NQO2: variants seen among roughly 807,000 people sequenced by gnomAD.
NQO2 encodes the protein ribosyldihydronicotinamide dehydrogenase [quinone].
Under a neutral mutation model 22.0 loss-of-function variants are expected in NQO2, and 18 were observed. The observed-to-expected ratio is 0.82, with a 90% CI of 0.56 to 1.21. The LOEUF (loss-of-function observed/expected upper bound fraction) is 1.21. Ranked by LOEUF, NQO2 falls within the 50% of genes most tolerant of loss-of-function variation. The pLI is 0.00. For missense variants in NQO2, 267 were observed against 286.9 expected, an observed-to-expected ratio of 0.93 and a Z score of 0.50; for synonymous variants, 106 against 110.8, an observed-to-expected ratio of 0.96 and a Z score of 0.28.
intron 1 of NQO2, 104 bp downstream of exon 1, chr6:3,000,189 T>A (rs1772910033): frequency 6.6e-6 from 1 of 152,264 alleles, no homozygotes; most frequent in Non-Finnish European, 1.5e-5. Flanking sequence ...CATATGGCCC[T>A]GTGGGTCGTC....
chr6:3,005,507 C>G (rs776717495), intron 1 of NQO2: 22 of 282,972 alleles, frequency 7.8e-5, no homozygotes, highest in Non-Finnish European at 1.1e-4. Flanking sequence ...TGCTAAGCAT[C>G]TTTTCATGGC....
Position 3,006,254 on chromosome 6 carries a change from G to A in NQO2, c.-85-214G>A, listed in dbSNP as rs1208504573. ...TGACTGTCTGGATGGAAGGTTCAGA[G>A]TCCTCTCAAAAAAGGAAAAAAGTAT... On this transcript the variant is annotated intron_variant, in intron 1 of 6. Coordinates refer to ENST00000380455, the MANE Select transcript of NQO2 (RefSeq NM_000904.6). This position sits in a 1 kb window ranked among gnomAD's most constrained non-coding sequence, Gnocchi z 4.0. The A allele has an allele frequency of 1.2e-6, 1 of 843,790 alleles. No individual in the cohort carries two copies. The highest frequency in any genetic ancestry group is 1.4e-6 in the Non-Finnish European group (1 of 701,106). The allele number at this position is 843,790 out of a possible 1,614,324, so 52.3% of individuals were successfully genotyped here.
At position 3,015,550 on chromosome 6, in the gene NQO2, C is replaced by G; in HGVS notation, c.324C>G (p.Ser108Arg). ...VIFQFPLYWF[S>R]VPAILKGWMD... Reference sequence around the variant, plus strand: ...CACAGTTCCCGCTGTACTGGTTCAGCGTGCCAGCCATCCTGAAGGGCTGGA... The same window carrying G: ...CACAGTTCCCGCTGTACTGGTTCAGGGTGCCAGCCATCCTGAAGGGCTGGA... Residue 108 changes from serine (S) to arginine (R), a missense_variant, in exon 5 of 7, where the codon AGC (serine) becomes AGG (arginine). Physicochemically the swap from Ser to Arg is moderately radical, Grantham distance 110 (BLOSUM62 -1). Transcript: ENST00000380455. 1 of 1,614,116 alleles carries G rather than the reference C, an allele frequency of 6.2e-7. No homozygotes were observed.
intron 4 of NQO2, among the ~76,000 whole-genome samples, chr6:3,014,716 A>G (rs1000520002): frequency 6.6e-6 from 1 of 152,170 alleles, no homozygotes; most frequent in Admixed American, 6.5e-5. Context: ...CTACTGCACT[A>G]CTAATATCAG....
intron 6 of NQO2, among the ~76,000 whole-genome samples, chr6:3,019,064 A>C (rs1420272728): frequency 6.6e-6 from 1 of 152,154 alleles, no homozygotes; most frequent in African/African-American, 2.4e-5. Context: ...AATACGGCTT[A>C]AAATTTGTTT....
chr6:3,009,187 G>C (rs2113445934), intron 2 of NQO2, among the ~76,000 whole-genome samples: 1 of 152,302 alleles, frequency 6.6e-6, no homozygotes, highest in East Asian at 1.9e-4. Context: ...CATTTCAGAG[G>C]CCCACCCTCA....
chr6:3,019,353 C>A (rs1219481969), intron 6 of NQO2, 126 bp from the exon 7 acceptor site: 1 of 1,443,316 alleles, frequency 6.9e-7, no homozygotes, highest in East Asian at 2.4e-5. Flanking sequence ...TTGCCTGTAA[C>A]ATTAAGGTTG....
Position 3,012,521 on chromosome 6 carries a change from ATGTT to A in NQO2, c.173-20_173-17del. ...TGTGGATGCCCACCTAGGAGTGAGA[ATGTT>A]TGGCCTCTTCCCCGACAGGTACTCT... On this transcript the variant is annotated intron_variant, in intron 3 of 6. Transcript: ENST00000380455. The A allele has an allele frequency of 6.2e-7, 1 of 1,613,694 alleles. No individual in the cohort carries two copies. The highest frequency in any genetic ancestry group is 8.5e-7 in the Non-Finnish European group (1 of 1,179,800).
In NQO2 at chr6:3,006,421, T is replaced by A; in HGVS notation, c.-85-47T>A. On this transcript the variant is annotated intron_variant, in intron 1 of 6. Transcript: ENST00000380455. The surrounding 1 kb of genome is among the most constrained non-coding windows in gnomAD (Gnocchi z 4.0). ...ATGCCTAGATGTGGTACATTCGACC[T>A]CACCTATGCCTCTCCCCACCCCCTC... 6 of 1,523,242 alleles carry A rather than the reference T, an allele frequency of 3.9e-6. No homozygotes were observed. Among genetic ancestry groups the A allele is most frequent in the Non-Finnish European group, 5.3e-6 (6 of 1,139,302 alleles). The allele number at this position is 1,523,242 out of a possible 1,614,324, so 94.4% of individuals were successfully genotyped here. A position where few individuals can be genotyped will look rare whatever the true frequency, so the allele number is the denominator to read the frequency against.
At chr6:3,016,430 C>CAAAAAAA (rs36118697) in intron 5 of NQO2, among the ~76,000 whole-genome samples, 21 of 85,696 alleles carry the variant, frequency 2.5e-4, no homozygotes, top group South Asian at 1.2e-3. Context: ...GACTCTGTCT[C>CAAAAAAA]AAAAAAAAAA....
intron 3 of NQO2, 85 bp from the exon 4 acceptor site, chr6:3,012,459 C>T (rs1005452406): frequency 5.4e-5 from 84 of 1,555,104 alleles, no homozygotes; most frequent in Admixed American, 9.9e-5. Context: ...CTGAGGAGTC[C>T]GGTATACACA....
In NQO2 at chr6:3,006,400, C is replaced by G. The variant is rs534520575; in HGVS notation, c.-85-68C>G. ...GTCTGTCAGGAAGCAGCAGTGATGC[C>G]TAGATGTGGTACATTCGACCTCACC... On this transcript the variant is annotated intron_variant, in intron 1 of 6. Transcript: ENST00000380455. This position sits in a 1 kb window ranked among gnomAD's most constrained non-coding sequence, Gnocchi z 4.0. 4.8e-6 allele frequency: 7 copies of G among 1,472,528 alleles called. No homozygotes were observed. The East Asian group carries it at 1.3e-4, about 27-fold the overall frequency. 91.2% of individuals were successfully genotyped at this position (1,472,528 alleles called of 1,614,324 possible). A position where few individuals can be genotyped will look rare whatever the true frequency, so the allele number is the denominator to read the frequency against.
chr6:3,017,332 G>A (rs1757367910), intron 6 of NQO2, among the ~76,000 whole-genome samples: 1 of 152,194 alleles, frequency 6.6e-6, no homozygotes, highest in South Asian at 2.1e-4. Flanking sequence ...CCCTGCGTGT[G>A]TTGTGATACG....
At chr6:3,013,254 C>G (rs9378759) in intron 4 of NQO2, among the ~76,000 whole-genome samples, 2 of 151,858 alleles carry the variant, frequency 1.3e-5, no homozygotes, top group African/African-American at 4.8e-5. Flanking sequence ...CGCGCCCGGC[C>G]GATGTAACAC....
At chr6:3,003,175 T>C (rs1756797068) in intron 1 of NQO2, among the ~76,000 whole-genome samples, 1 of 152,226 alleles carries the variant, frequency 6.6e-6, no homozygotes, top group South Asian at 2.1e-4. Flanking sequence ...CTCCTCTCTT[T>C]TTCCTTTAAG....
At chr6:3,009,328 G>GT (rs1422712835) in intron 2 of NQO2, among the ~76,000 whole-genome samples, 17 of 152,186 alleles carry the variant, frequency 1.1e-4, no homozygotes, top group African/African-American at 4.1e-4. Context: ...AGAGTTTAAG[G>GT]TTATCTCTCT....
At chr6:3,015,171 A>G in intron 4 of NQO2, 2 of 1,314,894 alleles carry the variant, frequency 1.5e-6, no homozygotes, top group Non-Finnish European at 2.0e-6. Context: ...CAGGCAGGCG[A>G]AGGGGCATGC....
intron 1 of NQO2, among the ~76,000 whole-genome samples, chr6:3,002,805 CT>C (rs566259202): frequency 1.0e-3 from 158 of 151,308 alleles, no homozygotes; most frequent in African/African-American, 3.8e-3. Flanking sequence ...CTTTTACTTT[CT>C]CTTTTTTCTT....
At chr6:3,005,422 A>G (rs1581320464) in intron 1 of NQO2, among the ~76,000 whole-genome samples, 1 of 152,270 alleles carries the variant, frequency 6.6e-6, no homozygotes, top group Middle Eastern at 3.4e-3. Context: ...GTTTTTTGGT[A>G]GTAGTAGCCA....
Sources: gnomAD v4.1 joint callset for allele counts (sites outside exome capture counted in the v4.1 genomes callset) on GRCh38, gnomAD v4.1.1 for gene constraint, Gnocchi (gnomAD v3.1) non-coding constraint, MANE v1.5 for transcripts, NCBI Gene and HGNC (gene_info 2026-07-23, HGNC 2026-07-21) for gene names.